Variants in LRP2BP observed in about 807,000 individuals in gnomAD.
LRP2BP encodes the protein LRP2-binding protein.
Under a neutral mutation model 45.2 loss-of-function variants are expected in LRP2BP, and 38 were observed. The ratio of observed to expected loss-of-function variants is 0.84; its 90% confidence interval spans 0.65 to 1.10. The LOEUF (loss-of-function observed/expected upper bound fraction) is 1.10, where lower values mean the gene tolerates loss of function less well. Among genes scored for constraint, LRP2BP ranks in the 50% least tolerant of loss-of-function variants. The pLI is 0.00. For missense variants in LRP2BP, 385 were observed against 418.9 expected, an observed-to-expected ratio of 0.92 and a Z score of 0.71; for synonymous variants, 153 against 153.9, an observed-to-expected ratio of 0.99 and a Z score of 0.04.
In LRP2BP at chr4:185,370,867, T is replaced by G. The variant is rs1278723564; in HGVS notation, c.804-53A>C. ...AAAAGACATCAGTTATGGTAAGTGT[T>G]TGTAAAACGATGCGCCTAGAGACTG... On this transcript the variant is annotated intron_variant, in intron 7 of 8. Coordinates refer to ENST00000505916, the MANE Select transcript of LRP2BP (RefSeq NM_001377440.1). 8.8e-6 allele frequency: 14 copies of G among 1,582,772 alleles called. No individual in the cohort carries two copies. The African/African-American group carries it at 1.7e-4, about 20-fold the overall frequency.
rs753942916 is a variant in LRP2BP at position 185,395,783 on chromosome 4, A to C, written c.-1026T>G. Reference sequence around the variant, plus strand: ...AAGCATGAACTTGTTTTCTAACAGCATAACAATAAACGTATTTATTTCTCC... The same window carrying C: ...AAGCATGAACTTGTTTTCTAACAGCCTAACAATAAACGTATTTATTTCTCC... On this transcript the variant is annotated 5_prime_UTR_variant, in exon 1 of 9. An upstream start codon of the reference 5' UTR is lost. Coordinates refer to ENST00000505916, the MANE Select transcript of LRP2BP (RefSeq NM_001377440.1). 6 of 985,482 alleles carry C rather than the reference A, an allele frequency of 6.1e-6. No homozygotes were observed. The highest frequency in any genetic ancestry group is 7.2e-6 in the Non-Finnish European group (6 of 829,934). 61.0% of individuals were successfully genotyped at this position (985,482 alleles called of 1,614,324 possible).
At chr4:185,387,253 A>T (rs2095474475) in intron 1 of LRP2BP, among the ~76,000 whole-genome samples, 1 of 152,168 alleles carries the variant, frequency 6.6e-6, no homozygotes, top group Admixed American at 6.5e-5. Context: ...ACAAAAAACC[A>T]CCGTGTGAAC....
At chr4:185,389,124 C>G (rs2095480991) in intron 1 of LRP2BP, among the ~76,000 whole-genome samples, 1 of 152,080 alleles carries the variant, frequency 6.6e-6, no homozygotes, top group African/African-American at 2.4e-5. Flanking sequence ...GTGATCCACC[C>G]CACCTTGGCC....
intron 1 of LRP2BP, among the ~76,000 whole-genome samples, chr4:185,391,993 C>T (rs1190960679): frequency 6.6e-6 from 1 of 152,232 alleles, no homozygotes; most frequent in Non-Finnish European, 1.5e-5. Context: ...ACATCTTGGA[C>T]AAATCCATTA....
chr4:185,369,338 C>T (rs985147235), intron 8 of LRP2BP, among the ~76,000 whole-genome samples: 6 of 151,034 alleles, frequency 4.0e-5, no homozygotes, highest in Non-Finnish European at 1.5e-5. Flanking sequence ...CTGCCTCAGC[C>T]TCGCGAGTAG....
upstream of LRP2BP, chr4:185,397,252 G>T: frequency 2.5e-6 from 4 of 1,614,124 alleles, no homozygotes; most frequent in Non-Finnish European, 3.4e-6. Flanking sequence ...AAGCGGCCTT[G>T]CTTGCTTTCT....
intron 1 of LRP2BP, among the ~76,000 whole-genome samples, chr4:185,380,473 TC>T (rs2095452689): frequency 1.3e-5 from 2 of 152,262 alleles, no homozygotes; most frequent in Admixed American, 1.3e-4. Context: ...TGTCTGGTGT[TC>T]CTAGGCTTGT....
chr4:185,378,291 C>T, intron 1 of LRP2BP, 84 bp from the exon 2 acceptor site: 2 of 1,524,240 alleles, frequency 1.3e-6, no homozygotes, highest in African/African-American at 1.4e-5. Context: ...ACCAGGTGCT[C>T]ATTAGGAAAA....
chr4:185,389,601 C>T (rs1279144131), intron 1 of LRP2BP, among the ~76,000 whole-genome samples: 1 of 106,308 alleles, frequency 9.4e-6, no homozygotes, highest in South Asian at 3.8e-4. Flanking sequence ...ATTTTCCAGG[C>T]ACTTTAAATG....
At chr4:185,396,689 T>A (rs1300527539), upstream of LRP2BP, 2 of 534,608 alleles carry the variant, frequency 3.7e-6, no homozygotes, top group African/African-American at 4.0e-5. Flanking sequence ...CACGTGCCAG[T>A]GTTTGTGTAC....
intron 1 of LRP2BP, among the ~76,000 whole-genome samples, chr4:185,394,546 A>G (rs540475405): frequency 1.3e-5 from 2 of 152,238 alleles, no homozygotes; most frequent in African/African-American, 4.8e-5. Flanking sequence ...GTAATATAAT[A>G]AACTGGAATA....
chr4:185,376,838 C>T lies in LRP2BP; in HGVS notation c.216+71G>A, dbSNP rs2126808292. ...TAGTATAACACAGTAAGAAACTCTA[C>T]ATGAAATTTTTGTCTGAGGATCTAA... On this transcript the variant is annotated intron_variant, in intron 3 of 8. Transcript: ENST00000505916. 5 of 1,041,732 alleles carry T rather than the reference C, an allele frequency of 4.8e-6. No homozygotes were observed. The East Asian group carries it at 7.3e-5, about 15-fold the overall frequency. The allele number at this position is 1,041,732 out of a possible 1,614,324, so 64.5% of individuals were successfully genotyped here.
At chr4:185,376,085 C>T (rs764567537) in intron 3 of LRP2BP, among the ~76,000 whole-genome samples, 7 of 152,228 alleles carry the variant, frequency 4.6e-5, no homozygotes, top group Non-Finnish European at 7.4e-5. Flanking sequence ...AATGAAAAAC[C>T]GAAACTACAT....
chr4:185,380,316 T>C (rs536231350), intron 1 of LRP2BP, among the ~76,000 whole-genome samples: 56 of 152,338 alleles, frequency 3.7e-4, no homozygotes, highest in African/African-American at 1.3e-3. Flanking sequence ...TCAAAAACTT[T>C]GTGGCTTAAA....
At chr4:185,390,878 C>A (rs2095486628) in intron 1 of LRP2BP, 2 of 152,198 alleles carry the variant, frequency 1.3e-5, no homozygotes, top group Admixed American at 1.3e-4. Flanking sequence ...TCAGTGTCCC[C>A]CACTGTTAAC....
Position 185,395,324 on chromosome 4 carries a change from T to C in LRP2BP, c.-567A>G. The C allele has an allele frequency of 1.0e-6, 1 of 985,446 alleles. No individual in the cohort carries two copies. Among genetic ancestry groups the C allele is most frequent in the Non-Finnish European group, 1.2e-6 (1 of 829,912 alleles). The allele number at this position is 985,446 out of a possible 1,614,324, so 61.0% of individuals were successfully genotyped here. A position where few individuals can be genotyped will look rare whatever the true frequency, so the allele number is the denominator to read the frequency against. ...CCCACTACATATGCTAACTGCAGTA[T>C]TTATGTTCAAAACTGTAAGAACGTG... On this transcript the variant is annotated 5_prime_UTR_variant, in exon 1 of 9. Transcript: ENST00000505916.
upstream of LRP2BP, chr4:185,397,171 C>T: frequency 6.2e-7 from 1 of 1,613,678 alleles, no homozygotes; most frequent in African/African-American, 1.3e-5. Context: ...GAAGCATTTG[C>T]TGGAGACAGG....
At chr4:185,368,593 A>G (rs1561072315) in intron 8 of LRP2BP, among the ~76,000 whole-genome samples, 1 of 152,146 alleles carries the variant, frequency 6.6e-6, no homozygotes, top group South Asian at 2.1e-4. Context: ...GTCATATGAT[A>G]TCATTCCAGA....
At chr4:185,374,798 C>G (rs2095427694) in intron 4 of LRP2BP, among the ~76,000 whole-genome samples, 1 of 152,152 alleles carries the variant, frequency 6.6e-6, no homozygotes, top group South Asian at 2.1e-4. Flanking sequence ...TGAATCAGCA[C>G]AGTTCTTAGA....
Sources: gnomAD v4.1 joint callset for allele counts (sites outside exome capture counted in the v4.1 genomes callset) on GRCh38, gnomAD v4.1.1 for gene constraint, MANE v1.5 for transcripts, NCBI Gene and HGNC (gene_info 2026-07-23, HGNC 2026-07-21) for gene names.